Variants in PLEKHM3 observed in about 807,000 individuals in gnomAD.
PLEKHM3 encodes the protein pleckstrin homology domain containing M3, also known as pleckstrin homology domain-containing family M member 3.
Under a neutral mutation model 81.8 loss-of-function variants are expected in PLEKHM3, and 45 were observed. The ratio of observed to expected loss-of-function variants is 0.55; its 90% confidence interval spans 0.43 to 0.71. The LOEUF is 0.71. PLEKHM3 is among the 30% of genes least tolerant of loss of function. PLEKHM3 has a pLI of 0.00. For synonymous variants in PLEKHM3, 352 were observed against 356.4 expected (o/e 0.99, Z 0.14); for missense variants, 788 against 924.3 (o/e 0.85, Z 1.91).
At chr2:208,000,988 G>GAAAA in intron 2 of PLEKHM3, 42 bp downstream of exon 2, 1 of 1,141,204 alleles carries the variant, frequency 8.8e-7, no homozygotes, top group Non-Finnish European at 1.2e-6. Context: ...GCCCCAAAAA[G>GAAAA]AAAAAAAAAA....
intron 2 of PLEKHM3, among the ~76,000 whole-genome samples, chr2:207,995,823 TTAATCTGG>T (rs1355340865): frequency 5.3e-5 from 8 of 152,354 alleles, no homozygotes; most frequent in Admixed American, 3.9e-4. Context: ...AAACAAACTG[TTAATCTGG>T]TTCATGTATT....
chr2:207,990,544 G>GA (rs1691866450), intron 2 of PLEKHM3, among the ~76,000 whole-genome samples: 1 of 152,084 alleles, frequency 6.6e-6, no homozygotes, highest in South Asian at 2.1e-4. Flanking sequence ...GAAACAAACG[G>GA]AAAAAATGAA....
At chr2:207,848,768 G>A (rs1559206029) in intron 7 of PLEKHM3, among the ~76,000 whole-genome samples, 1 of 152,188 alleles carries the variant, frequency 6.6e-6, no homozygotes, top group Non-Finnish European at 1.5e-5. Context: ...AACGCAAAAT[G>A]ACAAAGACCA....
At chr2:208,000,793 C>T (rs1692270706) in intron 2 of PLEKHM3, among the ~76,000 whole-genome samples, 1 of 151,910 alleles carries the variant, frequency 6.6e-6, no homozygotes, top group East Asian at 1.9e-4. Flanking sequence ...CACTAAATAC[C>T]TCTTAGGAAG....
intron 3 of PLEKHM3, among the ~76,000 whole-genome samples, chr2:207,965,236 T>C (rs1342516564): frequency 6.6e-6 from 1 of 152,162 alleles, no homozygotes; most frequent in African/African-American, 2.4e-5. Flanking sequence ...TTGAAGTCAA[T>C]GTGGAATCCA....
At chr2:207,979,008 C>A (rs1574463809) in intron 2 of PLEKHM3, among the ~76,000 whole-genome samples, 1 of 152,082 alleles carries the variant, frequency 6.6e-6, no homozygotes, top group African/African-American at 2.4e-5. Context: ...TTGAACATTG[C>A]CTTGTACATA....
chr2:207,910,257 G>GGATTA (rs1415819415), intron 5 of PLEKHM3, among the ~76,000 whole-genome samples: 1 of 152,158 alleles, frequency 6.6e-6, no homozygotes, highest in East Asian at 1.9e-4. Context: ...CCTCCATGTA[G>GGATTA]GATTAGCTTC....
rs998639928 is a variant in PLEKHM3 at position 207,843,354 on chromosome 2, G to T, written c.2109-14858C>A. On this transcript the variant is annotated intron_variant, in intron 7 of 7. Transcript: ENST00000427836. This position sits in a 1 kb window ranked among gnomAD's most constrained non-coding sequence, Gnocchi z 4.4. ...AAAGTGAGGTAACAAACTAATGGGA[G>T]GGTTAGCCTGGGAGAAGGAGACTTG... Among the ~76,000 whole-genome samples the T allele has an allele frequency of 6.6e-6, 1 of 152,146 alleles. No individual in the cohort carries two copies. Among genetic ancestry groups the T allele is most frequent in the African/African-American group, 2.4e-5 (1 of 41,430 alleles).
chr2:207,839,532 C>T (rs2105887238), intron 7 of PLEKHM3, among the ~76,000 whole-genome samples: 1 of 152,230 alleles, frequency 6.6e-6, no homozygotes, highest in South Asian at 2.1e-4. Context: ...AAGATGGTAA[C>T]CATAATTTTC....
intron 7 of PLEKHM3, among the ~76,000 whole-genome samples, chr2:207,842,030 C>T (rs539221378): frequency 7.9e-5 from 12 of 152,292 alleles, no homozygotes; most frequent in Admixed American, 3.9e-4. Flanking sequence ...CTCCGCCTCC[C>T]GGGTTCAGGC....
intron 7 of PLEKHM3, among the ~76,000 whole-genome samples, chr2:207,855,604 G>C (rs2092433626): frequency 6.6e-6 from 1 of 152,098 alleles, no homozygotes; most frequent in Non-Finnish European, 1.5e-5. Flanking sequence ...GGAGCAACCT[G>C]ACACAAACAC....
chr2:208,023,862 T>C (rs1693212428), intron 1 of PLEKHM3, among the ~76,000 whole-genome samples: 1 of 94,506 alleles, frequency 1.1e-5, no homozygotes, highest in Non-Finnish European at 3.1e-5. Flanking sequence ...ATATTTTTAT[T>C]TTATATATTT....
At chr2:207,887,974 C>T (rs1033354729) in intron 6 of PLEKHM3, among the ~76,000 whole-genome samples, 1 of 152,124 alleles carries the variant, frequency 6.6e-6, no homozygotes, top group Non-Finnish European at 1.5e-5. Flanking sequence ...TGGTCTCATT[C>T]AGAAAGATCT....
chr2:207,865,561 T>C (rs1255610707), intron 6 of PLEKHM3, among the ~76,000 whole-genome samples: 3 of 151,530 alleles, frequency 2.0e-5, no homozygotes, highest in Non-Finnish European at 4.4e-5. Context: ...GCAGATCACC[T>C]GAGGTCAGGA....
At chr2:207,916,990 A>C (rs1574403452) in intron 5 of PLEKHM3, among the ~76,000 whole-genome samples, 1 of 152,218 alleles carries the variant, frequency 6.6e-6, no homozygotes, top group East Asian at 1.9e-4. Context: ...TGATATTGGT[A>C]TATACATAAT....
chr2:207,952,990 T>C (rs925929362), intron 3 of PLEKHM3, among the ~76,000 whole-genome samples: 1 of 152,230 alleles, frequency 6.6e-6, no homozygotes, highest in Non-Finnish European at 1.5e-5. Context: ...TGTTTAGCCA[T>C]AAATCAATTA....
chr2:207,933,250 A>G (rs1303728339), intron 4 of PLEKHM3, among the ~76,000 whole-genome samples: 2 of 152,220 alleles, frequency 1.3e-5, no homozygotes, highest in African/African-American at 2.4e-5. Context: ...ACACAGGTAC[A>G]TGCCAGATAC....
At chr2:207,924,412 T>C (rs2105928367) in intron 5 of PLEKHM3, among the ~76,000 whole-genome samples, 1 of 151,986 alleles carries the variant, frequency 6.6e-6, no homozygotes, top group South Asian at 2.1e-4. Flanking sequence ...AGGCCAGGTG[T>C]GGCAGCTCAT....
intron 6 of PLEKHM3, among the ~76,000 whole-genome samples, chr2:207,896,513 T>A (rs1688228300): frequency 6.6e-6 from 1 of 152,176 alleles, no homozygotes; most frequent in South Asian, 2.1e-4. Flanking sequence ...TTTTCAGAGG[T>A]AAGCTGTGCC....
Sources: allele counts gnomAD v4.1 joint callset (sites outside exome capture counted in the v4.1 genomes callset), GRCh38; gene constraint gnomAD v4.1.1; non-coding constraint Gnocchi (gnomAD v3.1); transcripts MANE v1.5; gene names NCBI Gene and HGNC (gene_info 2026-07-23, HGNC 2026-07-21).